The following CNTN5 variants were observed in gnomAD, a reference collection of about 807,000 sequenced individuals.
CNTN5 encodes contactin 5, also known as contactin-5.
Under a neutral mutation model 129.1 loss-of-function variants are expected in CNTN5, and 77 were observed. That is an observed-to-expected ratio of 0.60 (90% confidence interval 0.50 to 0.72). The LOEUF (loss-of-function observed/expected upper bound fraction) is 0.72. Among genes scored for constraint, CNTN5 ranks in the 30% least tolerant of loss-of-function variants. The pLI is 0.00. For synonymous variants in CNTN5, 509 were observed against 465.6 expected (o/e 1.09, Z -1.20); for missense variants, 1,478 against 1,328.8 (o/e 1.11, Z -1.75).
At chr11:99,788,283 A>G (rs1368339833) in intron 3 of CNTN5, among the ~76,000 whole-genome samples, 4 of 151,894 alleles carry the variant, frequency 2.6e-5, no homozygotes, top group Admixed American at 6.6e-5. Flanking sequence ...TCTTATTATC[A>G]TGAATAAGTT....
At chr11:99,048,023 T>C (rs566989075) in intron 1 of CNTN5, among the ~76,000 whole-genome samples, 1 of 152,116 alleles carries the variant, frequency 6.6e-6, no homozygotes, top group African/African-American at 2.4e-5. Context: ...TTTATTTTTT[T>C]CCAAAATATA....
intron 2 of CNTN5, among the ~76,000 whole-genome samples, chr11:99,487,139 C>T (rs1160548106): frequency 6.6e-6 from 1 of 152,176 alleles, no homozygotes; most frequent in African/African-American, 2.4e-5. Flanking sequence ...TCACAGAAGA[C>T]ATTTAGTTTG....
chr11:99,599,986 G>A (rs1004080404), intron 3 of CNTN5, among the ~76,000 whole-genome samples: 1 of 152,118 alleles, frequency 6.6e-6, no homozygotes, highest in Non-Finnish European at 1.5e-5. Flanking sequence ...CCTGATGACG[G>A]CAGGACTGAA....
At chr11:99,711,540 G>A (rs1467832049) in intron 3 of CNTN5, among the ~76,000 whole-genome samples, 3 of 151,570 alleles carry the variant, frequency 2.0e-5, no homozygotes, top group African/African-American at 4.8e-5. Context: ...GTGCAGGTTC[G>A]TTACATAGGT....
intron 3 of CNTN5, among the ~76,000 whole-genome samples, chr11:99,673,553 C>T (rs1292056932): frequency 6.6e-6 from 1 of 152,078 alleles, no homozygotes; most frequent in Non-Finnish European, 1.5e-5. Context: ...AGGTATTAAG[C>T]CTTGTATCCA....
chr11:99,144,972 G>T (rs1859705602), intron 1 of CNTN5, among the ~76,000 whole-genome samples: 1 of 151,668 alleles, frequency 6.6e-6, no homozygotes, highest in Non-Finnish European at 1.5e-5. Context: ...ATGTTTTCTT[G>T]CTTTTCCATG....
intron 9 of CNTN5, among the ~76,000 whole-genome samples, chr11:100,018,151 C>G (rs1027063266): frequency 6.6e-6 from 1 of 151,894 alleles, no homozygotes; most frequent in Non-Finnish European, 1.5e-5. Context: ...GCTTTATTGC[C>G]ATATAATTGG....
At chr11:99,064,102 G>A (rs1865002488) in intron 1 of CNTN5, among the ~76,000 whole-genome samples, 1 of 152,020 alleles carries the variant, frequency 6.6e-6, no homozygotes, top group Non-Finnish European at 1.5e-5. Flanking sequence ...TCAACTCAAA[G>A]GAAAACCTCT....
Position 99,721,191 on chromosome 11 carries a change from G to A in CNTN5, c.56-98353G>A, listed in dbSNP as rs559536637. Among the ~76,000 whole-genome samples the A allele has an allele frequency of 1.2e-3, 175 of 152,162 alleles. 2 individuals carry two copies. Among genetic ancestry groups the A allele is most frequent in the African/African-American group, 3.9e-3 (160 of 41,504 alleles). On this transcript the variant is annotated intron_variant, in intron 3 of 24. Transcript: ENST00000524871. ...GCCCGAGTAGCCAACGCCTTCCTAA[G>A]CAAAAGGGACAAAGCTTTTGGCATC... is the stretch of plus-strand genomic sequence containing the variant.
intron 1 of CNTN5, among the ~76,000 whole-genome samples, chr11:99,285,848 G>T (rs575406180): frequency 6.6e-6 from 1 of 152,032 alleles, no homozygotes; most frequent in South Asian, 2.1e-4. Flanking sequence ...GACCAGCCTG[G>T]CCAACATGGT....
At chr11:100,327,317 C>T (rs753010277) in intron 21 of CNTN5, among the ~76,000 whole-genome samples, 16 of 152,298 alleles carry the variant, frequency 1.1e-4, no homozygotes, top group Non-Finnish European at 1.0e-4. Context: ...TCAAGTGCAC[C>T]ACACACGGAT....
At chr11:99,960,349 T>A (rs898411859) in intron 8 of CNTN5, among the ~76,000 whole-genome samples, 9 of 141,876 alleles carry the variant, frequency 6.3e-5, no homozygotes, top group Non-Finnish European at 1.4e-4. Context: ...TTTCCTAAGC[T>A]ACTTTTATGT....
chr11:99,821,329 A>G (rs747163964), intron 4 of CNTN5, among the ~76,000 whole-genome samples: 14 of 152,200 alleles, frequency 9.2e-5, no homozygotes, highest in Non-Finnish European at 2.1e-4. Flanking sequence ...CATAAGATGG[A>G]GCCAGCTGTG....
intron 3 of CNTN5, among the ~76,000 whole-genome samples, chr11:99,765,818 A>G (rs990116995): frequency 6.6e-6 from 1 of 151,820 alleles, no homozygotes; most frequent in Non-Finnish European, 1.5e-5. Context: ...ACTGATCTCT[A>G]CTTGTTTATA....
In CNTN5 at chr11:99,190,983, T is replaced by C. The variant is rs1012572161; in HGVS notation, c.-209-134363T>C. ...AGAAGGATGTTAGCTGTGTTTACCA[T>C]ATATATTGTCTTTATTGTGTTGAGG... On this transcript the variant is annotated intron_variant, in intron 1 of 24. Coordinates refer to ENST00000524871, the MANE Select transcript of CNTN5 (RefSeq NM_014361.4). Among the ~76,000 whole-genome samples, 7 of 151,672 alleles carry C rather than the reference T, an allele frequency of 4.6e-5. 1 individual carries two copies.
At chr11:99,716,902 A>G (rs78957249) in intron 3 of CNTN5, among the ~76,000 whole-genome samples, 4,744 of 152,180 alleles carry the variant, frequency 0.031, 164 homozygotes, top group East Asian at 0.19. Context: ...TGCTGGAGAA[A>G]ATAGAAAATG....
Position 99,968,430 on chromosome 11 carries a change from A to G in CNTN5, c.877+11421A>G, listed in dbSNP as rs141794170. 2.4e-4 allele frequency among the ~76,000 whole-genome samples: 36 copies of G among 151,820 alleles called. No individual in the cohort carries two copies. In the East Asian group the frequency reaches 6.6e-3, roughly 28 times the overall value. ...GAATGTATGTGTAGATAACATGTTT[A>G]TTTTAAGGAAAGAATTGTGTCAACA... is the stretch of plus-strand genomic sequence containing the variant. On this transcript the variant is annotated intron_variant, in intron 8 of 24. Transcript: ENST00000524871.
chr11:100,070,147 A>G (rs956477645), intron 10 of CNTN5, among the ~76,000 whole-genome samples: 2 of 147,920 alleles, frequency 1.4e-5, no homozygotes, highest in African/African-American at 5.0e-5. Context: ...CTTGGGGATA[A>G]CTAAACCACT....
intron 9 of CNTN5, chr11:100,003,673 A>C (rs190553901): frequency 6.6e-6 from 1 of 152,302 alleles, no homozygotes; most frequent in African/African-American, 2.4e-5. Flanking sequence ...ATGTTTAGTA[A>C]ATTGAGGCTT....
Sources: gnomAD v4.1 joint callset for allele counts (sites outside exome capture counted in the v4.1 genomes callset) on GRCh38, gnomAD v4.1.1 for gene constraint, MANE v1.5 for transcripts, NCBI Gene and HGNC (gene_info 2026-07-23, HGNC 2026-07-21) for gene names.